Variants in TRAT1 observed in about 807,000 individuals in gnomAD.
TRAT1 encodes T cell receptor associated transmembrane adaptor 1.
In TRAT1, 20 loss-of-function variants were observed where a neutral mutation model predicts 20.0. The observed-to-expected ratio is 1.00, with a 90% CI of 0.70 to 1.45. The LOEUF is 1.45. Ranked by LOEUF, TRAT1 falls within the 40% of genes most tolerant of loss-of-function variation. The pLI is 0.00. For missense variants in TRAT1, 237 were observed against 224.1 expected (o/e 1.06, Z -0.37); for synonymous variants, 77 against 74.2 (o/e 1.04, Z -0.20).
At chr3:108,846,660 C>T (rs952255342) in intron 3 of TRAT1, among the ~76,000 whole-genome samples, 5 of 152,110 alleles carry the variant, frequency 3.3e-5, no homozygotes, top group African/African-American at 1.2e-4. Flanking sequence ...ATTTGTTAGT[C>T]GTAATCTTGA....
chr3:108,828,211 A>G (rs1945759355), intron 1 of TRAT1, among the ~76,000 whole-genome samples: 1 of 152,146 alleles, frequency 6.6e-6, no homozygotes, highest in South Asian at 2.1e-4. Flanking sequence ...ACTAAACACT[A>G]CATGCTGTGG....
chr3:108,849,269 C>T lies in TRAT1; in HGVS notation c.303+15C>T, dbSNP rs1398710931. 4 of 1,600,548 alleles carry T rather than the reference C, an allele frequency of 2.5e-6. No individual in the cohort carries two copies. Among genetic ancestry groups the T allele is most frequent in the Non-Finnish European group, 3.4e-6 (4 of 1,168,630 alleles). On this transcript the variant is annotated intron_variant, in intron 5 of 5. Transcript: ENST00000295756. ...CATCTGCACAGGTGAGTTTTGTTTT[C>T]TGTTTCCACATTTGCACATTTCAAG...
In TRAT1 at chr3:108,853,867, C is replaced by T; in HGVS notation, c.551C>T (p.Pro184Leu). Residue 184 changes from proline (P) to leucine (L), a missense_variant, in exon 6 of 6, where the codon CCT becomes CTT. Transcript: ENST00000295756. ...GGATTGATCCGTGCTAAGAGAGAAC[C>T]TATAAACTAGCTGGACCATGATCTA... ...LFGLIRAKRE[P>L]IN 1 of 1,613,642 alleles carries T rather than the reference C, an allele frequency of 6.2e-7. No homozygotes were observed. Among genetic ancestry groups the T allele is most frequent in the Non-Finnish European group, 8.5e-7 (1 of 1,179,658 alleles).
intron 2 of TRAT1, 90 bp downstream of exon 2, chr3:108,830,870 A>G (rs1945786349): frequency 1.8e-5 from 15 of 813,728 alleles, no homozygotes; most frequent in Non-Finnish European, 3.1e-5. Flanking sequence ...CAATTTTATG[A>G]AATGTCATTC....
At chr3:108,849,307 G>A (rs1429450885) in intron 5 of TRAT1, 53 bp downstream of exon 5, 1 of 1,455,346 alleles carries the variant, frequency 6.9e-7, no homozygotes, top group Non-Finnish European at 9.6e-7. Context: ...CATAAGAGTA[G>A]TACATTATGA....
At chr3:108,834,277 A>G (rs1461337019) in intron 2 of TRAT1, among the ~76,000 whole-genome samples, 1 of 152,142 alleles carries the variant, frequency 6.6e-6, no homozygotes, top group African/African-American at 2.4e-5. Flanking sequence ...CATACACTGG[A>G]ACTTGCATTT....
At chr3:108,840,620 A>G (rs1486065277) in intron 3 of TRAT1, among the ~76,000 whole-genome samples, 1 of 152,180 alleles carries the variant, frequency 6.6e-6, no homozygotes, top group African/African-American at 2.4e-5. Context: ...AGACAATAGC[A>G]AAATAAGTTT....
chr3:108,844,473 C>A, intron 3 of TRAT1, among the ~76,000 whole-genome samples: 1 of 144,108 alleles, frequency 6.9e-6, no homozygotes, highest in South Asian at 2.1e-4. Context: ...TGATCACAAA[C>A]TACTTGAGGA....
At chr3:108,844,859 A>AAAAG (rs1553727508) in intron 3 of TRAT1, among the ~76,000 whole-genome samples, 3 of 149,478 alleles carry the variant, frequency 2.0e-5, no homozygotes, top group African/African-American at 7.4e-5. Context: ...AAAAAAAAAA[A>AAAAG]AAAAAAAAAA....
Position 108,822,943 on chromosome 3 carries a change from C to A in TRAT1, c.7+9C>A, listed in dbSNP as rs768806494. The A allele has an allele frequency of 1.6e-5, 25 of 1,609,942 alleles. No homozygotes were observed. Among genetic ancestry groups the A allele is most frequent in the Non-Finnish European group, 2.1e-5 (25 of 1,177,116 alleles). ...AAAAAGAAGCATGTCAGGTAAGTGG[C>A]ATTTTAAACTTTTTGTTCCATTTGT... is the stretch of plus-strand genomic sequence containing the variant. On this transcript the variant is annotated intron_variant, in intron 1 of 5. Transcript: ENST00000295756.
intron 2 of TRAT1, among the ~76,000 whole-genome samples, chr3:108,836,170 G>C (rs1945840416): frequency 6.6e-6 from 1 of 152,046 alleles, no homozygotes; most frequent in African/African-American, 2.4e-5. Flanking sequence ...TGCCCACCTT[G>C]GCCTCCCAAA....
intron 4 of TRAT1, 56 bp downstream of exon 4, chr3:108,847,185 A>G: frequency 2.7e-6 from 3 of 1,093,064 alleles, no homozygotes; most frequent in South Asian, 2.8e-5. Flanking sequence ...GGTTTCACAA[A>G]ATAATTTAAG....
intron 1 of TRAT1, among the ~76,000 whole-genome samples, chr3:108,824,019 G>A (rs1033963359): frequency 3.9e-5 from 6 of 151,906 alleles, no homozygotes; most frequent in African/African-American, 9.7e-5. Flanking sequence ...CTACAGGCGC[G>A]TGCCACCACG....
At chr3:108,846,831 T>C (rs371882598) in intron 3 of TRAT1, among the ~76,000 whole-genome samples, 1 of 152,250 alleles carries the variant, frequency 6.6e-6, no homozygotes, top group African/African-American at 2.4e-5. Flanking sequence ...TTTGCTATCA[T>C]GATTCCCTGT....
In TRAT1 at chr3:108,838,994, T is replaced by C. The variant is rs201589213; in HGVS notation, c.152+27T>C. On this transcript the variant is annotated intron_variant, in intron 3 of 5. Coordinates refer to ENST00000295756, the MANE Select transcript of TRAT1 (RefSeq NM_016388.4). ...TATGTTGTGATTCAGTCATGGATCA[T>C]GATTCCCAACTAATAAGCAAAAGTA... The C allele has an allele frequency of 1.2e-4, 189 of 1,565,482 alleles. 1 individual carries two copies. The East Asian group carries it at 3.7e-3, about 31-fold the overall frequency.
chr3:108,837,062 T>G (rs1322764484), intron 2 of TRAT1, among the ~76,000 whole-genome samples: 5 of 152,212 alleles, frequency 3.3e-5, no homozygotes, highest in Admixed American at 6.5e-5. Context: ...TTTCTTTATA[T>G]GCTTCTTGAC....
At chr3:108,839,667 G>A (rs910694182) in intron 3 of TRAT1, among the ~76,000 whole-genome samples, 3 of 150,624 alleles carry the variant, frequency 2.0e-5, no homozygotes, top group African/African-American at 4.9e-5. Context: ...AAAAAAAGAT[G>A]TGTATACACA....
chr3:108,831,637 T>C (rs997115183), intron 2 of TRAT1, among the ~76,000 whole-genome samples: 1 of 151,436 alleles, frequency 6.6e-6, no homozygotes, highest in Non-Finnish European at 1.5e-5. Context: ...ACTTCTGTGC[T>C]CAAACAATCC....
rs554961390 is a variant in TRAT1, at chr3:108,840,168, G to C, written c.152+1201G>C. Among the ~76,000 whole-genome samples the C allele has an allele frequency of 6.6e-5, 10 of 152,138 alleles. No homozygotes were observed. In the South Asian group the frequency reaches 2.1e-3, roughly 32 times the overall value. On this transcript the variant is annotated intron_variant, in intron 3 of 5. Coordinates refer to ENST00000295756, the MANE Select transcript of TRAT1 (RefSeq NM_016388.4). ...GAGCAAGTATAAGATCTGGGCTGCA[G>C]GCATACCCCGTCACACACAAAATCT... is the stretch of plus-strand genomic sequence containing the variant.
Sources: allele counts gnomAD v4.1 joint callset (sites outside exome capture counted in the v4.1 genomes callset), GRCh38; gene constraint gnomAD v4.1.1; transcripts MANE v1.5; gene names NCBI Gene and HGNC (gene_info 2026-07-23, HGNC 2026-07-21).